Variants in AGBL4 observed in about 807,000 individuals in gnomAD.
AGBL4 encodes the protein cytosolic carboxypeptidase 6.
Under a neutral mutation model 66.4 loss-of-function variants are expected in AGBL4, and 58 were observed. That is an observed-to-expected ratio of 0.87 (90% CI 0.71 to 1.09). AGBL4 has a LOEUF of 1.09. AGBL4 is among the 50% of genes least tolerant of loss of function. The probability of loss-of-function intolerance (pLI) is 0.00; values close to 1 mark genes in which losing one functional copy is unlikely to be tolerated. For synonymous variants in AGBL4, 234 were observed against 222.9 expected, an observed-to-expected ratio of 1.05 and a Z score of -0.44; for missense variants, 579 against 631.0, an observed-to-expected ratio of 0.92 and a Z score of 0.88.
intron 3 of AGBL4, among the ~76,000 whole-genome samples, chr1:49,509,254 G>C (rs1648975736): frequency 6.6e-6 from 1 of 151,832 alleles, no homozygotes; most frequent in South Asian, 2.1e-4. Flanking sequence ...AAGGCAAAGA[G>C]ATAGGAAAGT....
chr1:49,798,137 G>A (rs1271983122), intron 2 of AGBL4, among the ~76,000 whole-genome samples: 1 of 152,180 alleles, frequency 6.6e-6, no homozygotes, highest in Non-Finnish European at 1.5e-5. Context: ...GCCAGAGGGG[G>A]AAGAATCGAA....
At chr1:49,406,519 C>A (rs1028143114) in intron 3 of AGBL4, among the ~76,000 whole-genome samples, 1 of 151,860 alleles carries the variant, frequency 6.6e-6, no homozygotes, top group African/African-American at 2.4e-5. Context: ...TACATAAAAT[C>A]CTATATAAAT....
At chr1:49,282,287 T>C (rs1644291357) in intron 3 of AGBL4, among the ~76,000 whole-genome samples, 1 of 152,184 alleles carries the variant, frequency 6.6e-6, no homozygotes, top group African/African-American at 2.4e-5. Context: ...TGCTCTAAAG[T>C]CCATGCTTTT....
intron 3 of AGBL4, among the ~76,000 whole-genome samples, chr1:49,380,711 C>A (rs1644584289): frequency 1.3e-5 from 2 of 152,276 alleles, no homozygotes; most frequent in Admixed American, 6.5e-5. Flanking sequence ...ACTATGTGAT[C>A]TTTGACAAAC....
At chr1:49,967,305 C>T (rs1657645557) in intron 1 of AGBL4, among the ~76,000 whole-genome samples, 1 of 152,148 alleles carries the variant, frequency 6.6e-6, no homozygotes, top group Non-Finnish European at 1.5e-5. Context: ...AAATGTGGCA[C>T]ATATACACCA....
intron 2 of AGBL4, among the ~76,000 whole-genome samples, chr1:49,803,973 T>C (rs755200602): frequency 1.5e-4 from 23 of 152,228 alleles, no homozygotes; most frequent in Non-Finnish European, 2.6e-4. Flanking sequence ...TTTAAATTCA[T>C]GCTAGAAAAT....
chr1:49,886,474 G>C (rs1465681700), intron 1 of AGBL4, among the ~76,000 whole-genome samples: 3 of 152,130 alleles, frequency 2.0e-5, no homozygotes, highest in Admixed American at 6.6e-5. Flanking sequence ...ATCCTAAAGA[G>C]AGTAAAAACC....
In AGBL4 at chr1:49,797,021, G is replaced by A. The variant is rs530388796; in HGVS notation, c.157+54375C>T. ...ATATCTAAATATTTACCTTAGCATT[G>A]TGTTATCCTTATAAGAAATAGGAGG... On this transcript the variant is annotated intron_variant, in intron 2 of 13. Transcript: ENST00000371839. 1.0e-3 allele frequency among the ~76,000 whole-genome samples: 157 copies of A among 152,200 alleles called. 4 individuals carry two copies. Among genetic ancestry groups the A allele is most frequent in the Non-Finnish European group, 8.8e-5 (6 of 67,976 alleles).
chr1:49,532,125 A>G (rs1006179594), intron 3 of AGBL4, among the ~76,000 whole-genome samples: 3 of 152,112 alleles, frequency 2.0e-5, no homozygotes, highest in Admixed American at 6.5e-5. Flanking sequence ...CCTCATCTGT[A>G]TGGTACCTTT....
chr1:49,166,229 T>C (rs1023110456), intron 4 of AGBL4, among the ~76,000 whole-genome samples: 1 of 152,162 alleles, frequency 6.6e-6, no homozygotes, highest in Non-Finnish European at 1.5e-5. Context: ...AGCTTAATTA[T>C]GTGTTTAATT....
intron 6 of AGBL4, among the ~76,000 whole-genome samples, chr1:48,676,279 G>C (rs139980524): frequency 6.6e-6 from 1 of 152,368 alleles, no homozygotes; most frequent in East Asian, 1.9e-4. Flanking sequence ...AGGCTTGAGT[G>C]GGGGGTCTGA....
chr1:49,973,863 T>C lies in AGBL4; in HGVS notation c.34+49900A>G, dbSNP rs556811699. 2.0e-5 allele frequency among the ~76,000 whole-genome samples: 3 copies of C among 151,840 alleles called. 1 individual carries two copies. The South Asian group carries it at 6.2e-4, about 32-fold the overall frequency. ...TATTGAATTTTCTGTACTGAGGATT[T>C]TACCAGACTGGAGGAAGGGAATAAG... On this transcript the variant is annotated intron_variant, in intron 1 of 13. Transcript: ENST00000371839.
intron 3 of AGBL4, among the ~76,000 whole-genome samples, chr1:49,374,882 C>G (rs919935290): frequency 6.6e-6 from 1 of 152,120 alleles, no homozygotes; most frequent in Admixed American, 6.6e-5. Context: ...TACAGTTAAA[C>G]CTATCCAGTA....
chr1:49,408,606 G>A (rs1645252897), intron 3 of AGBL4, among the ~76,000 whole-genome samples: 1 of 152,208 alleles, frequency 6.6e-6, no homozygotes, highest in Non-Finnish European at 1.5e-5. Flanking sequence ...GAACATGGAA[G>A]GACTTGACTT....
the AGBL4 span, among the ~76,000 whole-genome samples, chr1:48,527,650 A>G: frequency 6.6e-6 from 1 of 152,030 alleles, no homozygotes; most frequent in African/African-American, 2.4e-5. Context: ...GGCAACCGAG[A>G]AAAGAAAGCA....
At chr1:49,273,943 A>G (rs528677508) in intron 3 of AGBL4, among the ~76,000 whole-genome samples, 3 of 152,130 alleles carry the variant, frequency 2.0e-5, no homozygotes, top group Admixed American at 1.3e-4. Flanking sequence ...CGGCCTCCCA[A>G]AGTGCTGGGA....
At chr1:49,466,368 A>G (rs1307006450) in intron 3 of AGBL4, among the ~76,000 whole-genome samples, 1 of 151,596 alleles carries the variant, frequency 6.6e-6, no homozygotes, top group African/African-American at 2.4e-5. Context: ...CAAAGAAGAG[A>G]ATAGGAATTA....
At chr1:49,755,687 C>T (rs932432301) in intron 2 of AGBL4, among the ~76,000 whole-genome samples, 2 of 152,122 alleles carry the variant, frequency 1.3e-5, no homozygotes, top group Non-Finnish European at 2.9e-5. Flanking sequence ...ATCTTAGAGG[C>T]AGCAGCATGA....
At chr1:48,927,115 C>T (rs1654644113) in intron 5 of AGBL4, among the ~76,000 whole-genome samples, 1 of 152,082 alleles carries the variant, frequency 6.6e-6, no homozygotes, top group South Asian at 2.1e-4. Flanking sequence ...AGGTCAATGG[C>T]TTACAGACAG....
Sources: allele counts gnomAD v4.1 joint callset (sites outside exome capture counted in the v4.1 genomes callset), GRCh38; gene constraint gnomAD v4.1.1; transcripts MANE v1.5; gene names NCBI Gene and HGNC (gene_info 2026-07-23, HGNC 2026-07-21).